The following INTS15 variants were observed in gnomAD, a reference collection of about 807,000 sequenced individuals.
The protein encoded by INTS15 is integrator complex subunit 15, also known as uncharacterized protein C7orf26.
the INTS15 span, among the ~76,000 whole-genome samples, chr7:6,600,932 G>A: frequency 4.9e-3 from 741 of 151,884 alleles, 5 homozygotes; most frequent in Non-Finnish European, 7.7e-3. Context: ...CCACCGTGCC[G>A]TTTCTTTTTC....
the INTS15 span, among the ~76,000 whole-genome samples, chr7:6,604,619 C>T: frequency 2.8e-4 from 42 of 152,300 alleles, no homozygotes; most frequent in Non-Finnish European, 5.6e-4. Flanking sequence ...GTGCACACAG[C>T]CTCAGCCTGG....
chr7:6,598,359 C>G, the INTS15 span, among the ~76,000 whole-genome samples: 3 of 151,582 alleles, frequency 2.0e-5, no homozygotes, highest in Admixed American at 6.6e-5. Context: ...GTCCCAGCTA[C>G]TCGGGATGCT....
At chr7:6,590,075 C>G in the INTS15 span, 5 of 317,394 alleles carry the variant, frequency 1.6e-5, no homozygotes, top group Non-Finnish European at 2.8e-5. Flanking sequence ...CTGGCGGCGC[C>G]GCAGTCGGAC....
chr7:6,602,404 G>T, the INTS15 span: 1 of 495,458 alleles, frequency 2.0e-6, no homozygotes, highest in Non-Finnish European at 3.6e-6. Flanking sequence ...GTTGAGTGGT[G>T]GGTGTGGCGC....
At chr7:6,593,169 TC>T in the INTS15 span, among the ~76,000 whole-genome samples, 2 of 152,188 alleles carry the variant, frequency 1.3e-5, no homozygotes, top group Admixed American at 1.3e-4. Context: ...TGAACTGTCT[TC>T]GGCTTTGCGG....
At chr7:6,608,040 A>G in the INTS15 span, 1 of 1,596,108 alleles carries the variant, frequency 6.3e-7, no homozygotes, top group Non-Finnish European at 8.5e-7. Context: ...CCCCACATCC[A>G]CACGCCCCCG....
At chr7:6,602,069 T>G in the INTS15 span, 1 of 1,602,590 alleles carries the variant, frequency 6.2e-7, no homozygotes, top group South Asian at 1.1e-5. Context: ...GTCTCCAGTA[T>G]GTTCATTAAT....
chr7:6,604,105 T>G, the INTS15 span, among the ~76,000 whole-genome samples: 1 of 152,342 alleles, frequency 6.6e-6, no homozygotes, highest in South Asian at 2.1e-4. Context: ...TGAGACAGTC[T>G]TGCTTTGTTG....
At chr7:6,591,616 C>T in the INTS15 span, 5 of 1,595,888 alleles carry the variant, frequency 3.1e-6, no homozygotes, top group Non-Finnish European at 4.3e-6. Flanking sequence ...AGCCACATTT[C>T]TTAACGCTTT....
chr7:6,599,798 G>C, the INTS15 span: 4 of 1,599,744 alleles, frequency 2.5e-6, no homozygotes, highest in Non-Finnish European at 3.4e-6. Context: ...GAGGCCAAGA[G>C]TGCTCCTGAC....
the INTS15 span, chr7:6,607,559 T>C: frequency 3.0e-6 from 4 of 1,333,284 alleles, no homozygotes; most frequent in African/African-American, 6.0e-5. The surrounding 1 kb of genome is among the most constrained non-coding windows in gnomAD (Gnocchi z 6.0). Context: ...CGGGGTCGTT[T>C]GCAAGGCCAG....
the INTS15 span, among the ~76,000 whole-genome samples, chr7:6,600,688 C>G: frequency 6.6e-6 from 1 of 152,168 alleles, no homozygotes; most frequent in South Asian, 2.1e-4. Flanking sequence ...GACGGAGTCT[C>G]ACGCTGTTGT....
the INTS15 span, among the ~76,000 whole-genome samples, chr7:6,592,186 TC>T: frequency 6.6e-6 from 1 of 151,020 alleles, no homozygotes; most frequent in Non-Finnish European, 1.5e-5. Context: ...AAAAAGAGTC[TC>T]CCCTGAGAGT....
At chr7:6,598,796 T>TA in the INTS15 span, among the ~76,000 whole-genome samples, 1 of 147,706 alleles carries the variant, frequency 6.8e-6, no homozygotes, top group African/African-American at 2.5e-5. Flanking sequence ...TATTTTTTTT[T>TA]TTTTTCCTGA....
chr7:6,605,315 C>T, the INTS15 span, among the ~76,000 whole-genome samples: 1 of 152,054 alleles, frequency 6.6e-6, no homozygotes, highest in African/African-American at 2.4e-5. Context: ...GGTCTGGGTT[C>T]TAGAAGTTTC....
At chr7:6,590,318 A>T in the INTS15 span, 2 of 1,590,430 alleles carry the variant, frequency 1.3e-6, no homozygotes, top group African/African-American at 1.4e-5. Flanking sequence ...CTGCGCCGCG[A>T]TGCGCTGAGC....
chr7:6,591,234 G>A, the INTS15 span, among the ~76,000 whole-genome samples: 1 of 150,918 alleles, frequency 6.6e-6, no homozygotes, highest in South Asian at 2.1e-4. Context: ...AGGGCGAAAA[G>A]TTCTACGGGA....
the INTS15 span, among the ~76,000 whole-genome samples, chr7:6,598,640 G>C: frequency 5.5e-4 from 84 of 152,164 alleles, no homozygotes; most frequent in African/African-American, 2.0e-3. Flanking sequence ...TGTGCACACA[G>C]GCAGCCTAAG....
the INTS15 span, among the ~76,000 whole-genome samples, chr7:6,600,731 C>T: frequency 1.3e-5 from 2 of 152,192 alleles, no homozygotes; most frequent in Non-Finnish European, 2.9e-5. Flanking sequence ...GATCTCAACT[C>T]AGTGCAACCT....
Sources: allele counts gnomAD v4.1 joint callset (sites outside exome capture counted in the v4.1 genomes callset), GRCh38; gene constraint gnomAD v4.1.1; non-coding constraint Gnocchi (gnomAD v3.1); transcripts MANE v1.5; gene names NCBI Gene and HGNC (gene_info 2026-07-23, HGNC 2026-07-21).